TNFSF4: variants seen among roughly 807,000 people sequenced by gnomAD.
TNFSF4 encodes the protein TNF superfamily member 4, also known as tumor necrosis factor ligand superfamily member 4.
Under a neutral mutation model 7.3 loss-of-function variants are expected in TNFSF4, and 4 were observed. That is an observed-to-expected ratio of 0.55 (90% CI 0.27 to 1.25). TNFSF4 has a LOEUF of 1.25. TNFSF4 is among the 50% of genes most tolerant of loss of function. The probability of loss-of-function intolerance (pLI) is 0.12; values close to 1 mark genes in which losing one functional copy is unlikely to be tolerated. For synonymous variants in TNFSF4, 76 were observed against 83.7 expected (o/e 0.91, Z 0.50); for missense variants, 181 against 208.8 (o/e 0.87, Z 0.82).
chr1:173,450,230 A>T, the TNFSF4 span, among the ~76,000 whole-genome samples: 1 of 152,160 alleles, frequency 6.6e-6, no homozygotes, highest in African/African-American at 2.4e-5. Context: ...AAAAAAGTTT[A>T]TGTTAAAGCA....
chr1:173,332,831 G>A, the TNFSF4 span, among the ~76,000 whole-genome samples: 307 of 152,292 alleles, frequency 2.0e-3, 1 homozygote, highest in African/African-American at 7.0e-3. Context: ...GGGTGACAGA[G>A]CAAGACTCCA....
the TNFSF4 span, among the ~76,000 whole-genome samples, chr1:173,311,682 G>C: frequency 5.9e-5 from 9 of 152,028 alleles, no homozygotes; most frequent in Non-Finnish European, 1.0e-4. Context: ...AGTTCTGTGG[G>C]ATACAAGAGT....
At chr1:173,188,631 C>A in intron 1 of TNFSF4, 62 bp from the exon 2 acceptor site, 1 of 1,379,292 alleles carries the variant, frequency 7.3e-7, no homozygotes, top group South Asian at 1.2e-5. Flanking sequence ...ATTCGCAAGT[C>A]ATATTTAATG....
chr1:173,343,491 G>A, the TNFSF4 span, among the ~76,000 whole-genome samples: 1 of 152,308 alleles, frequency 6.6e-6, no homozygotes, highest in South Asian at 2.1e-4. Flanking sequence ...AGGATATGGT[G>A]ATGCAGCAAG....
At chr1:173,191,986 G>A (rs1476922816) in intron 1 of TNFSF4, among the ~76,000 whole-genome samples, 1 of 152,164 alleles carries the variant, frequency 6.6e-6, no homozygotes, top group Non-Finnish European at 1.5e-5. Flanking sequence ...AGACCAGCCT[G>A]GCCAACATGG....
At chr1:173,193,865 T>C (rs1649588612) in intron 1 of TNFSF4, among the ~76,000 whole-genome samples, 1 of 152,122 alleles carries the variant, frequency 6.6e-6, no homozygotes, top group Admixed American at 6.5e-5. Context: ...GCGTCATGTC[T>C]GGCAGCAGCT....
chr1:173,450,163 T>C, the TNFSF4 span, among the ~76,000 whole-genome samples: 1 of 152,106 alleles, frequency 6.6e-6, no homozygotes, highest in African/African-American at 2.4e-5. Context: ...GTTTGTAAAT[T>C]TGACAAAATG....
At chr1:173,382,880 AC>A in the TNFSF4 span, among the ~76,000 whole-genome samples, 2 of 148,848 alleles carry the variant, frequency 1.3e-5, no homozygotes, top group African/African-American at 5.0e-5. Flanking sequence ...GTTTTCACAC[AC>A]ACACACACAC....
intron 1 of TNFSF4, among the ~76,000 whole-genome samples, chr1:173,189,052 A>C (rs1649359694): frequency 6.6e-6 from 1 of 152,090 alleles, no homozygotes; most frequent in South Asian, 2.1e-4. Context: ...GATTGGACCT[A>C]GACTTCCACC....
chr1:173,280,022 A>T, the TNFSF4 span, among the ~76,000 whole-genome samples: 25 of 152,054 alleles, frequency 1.6e-4, no homozygotes, highest in Non-Finnish European at 2.6e-4. Context: ...TTCTCAGAAA[A>T]TGCCTCACTT....
the TNFSF4 span, among the ~76,000 whole-genome samples, chr1:173,440,061 C>T: frequency 6.6e-6 from 1 of 152,188 alleles, no homozygotes; most frequent in Non-Finnish European, 1.5e-5. Flanking sequence ...GAATCCCTTT[C>T]TACCCTTATT....
the TNFSF4 span, among the ~76,000 whole-genome samples, chr1:173,358,669 T>C: frequency 1.3e-5 from 2 of 152,320 alleles, no homozygotes; most frequent in South Asian, 4.1e-4. Flanking sequence ...AAACAGTAGG[T>C]AAATAAATGG....
chr1:173,298,753 A>G, the TNFSF4 span, among the ~76,000 whole-genome samples: 1 of 151,866 alleles, frequency 6.6e-6, no homozygotes, highest in African/African-American at 2.4e-5. Context: ...GAGTCAGCCA[A>G]AATATCATCA....
chr1:173,393,253 A>G, the TNFSF4 span, among the ~76,000 whole-genome samples: 19 of 152,152 alleles, frequency 1.2e-4, no homozygotes, highest in East Asian at 1.3e-3. Context: ...TATCCCAGAA[A>G]CCTACTTCAC....
chr1:173,299,608 G>C, the TNFSF4 span, among the ~76,000 whole-genome samples: 1 of 151,916 alleles, frequency 6.6e-6, no homozygotes, highest in Non-Finnish European at 1.5e-5. Flanking sequence ...AGATCCACAG[G>C]AGGTAACTCA....
chr1:173,361,178 T>C, the TNFSF4 span, among the ~76,000 whole-genome samples: 17 of 152,182 alleles, frequency 1.1e-4, no homozygotes, highest in Non-Finnish European at 2.4e-4. Flanking sequence ...AAACTGCCTT[T>C]TAAAATAGGT....
the TNFSF4 span, among the ~76,000 whole-genome samples, chr1:173,347,289 C>A: frequency 3.4e-4 from 52 of 152,298 alleles, no homozygotes; most frequent in Non-Finnish European, 2.4e-4. Context: ...ATGGATATCT[C>A]AAAGAATCAG....
At chr1:173,289,650 G>A in the TNFSF4 span, among the ~76,000 whole-genome samples, 162 of 152,250 alleles carry the variant, frequency 1.1e-3, 1 homozygote, top group African/African-American at 3.8e-3. Context: ...AAGCTCAAGT[G>A]TGTAAATGAA....
chr1:173,221,140 G>A, the TNFSF4 span, among the ~76,000 whole-genome samples: 1 of 152,162 alleles, frequency 6.6e-6, no homozygotes, highest in East Asian at 1.9e-4. Flanking sequence ...CATGCCTGAA[G>A]AAAAGAAAGT....
Sources: gnomAD v4.1 joint callset for allele counts (sites outside exome capture counted in the v4.1 genomes callset) on GRCh38, gnomAD v4.1.1 for gene constraint, MANE v1.5 for transcripts, NCBI Gene and HGNC (gene_info 2026-07-23, HGNC 2026-07-21) for gene names.